RBFOX1: variants seen among roughly 807,000 people sequenced by gnomAD.
RBFOX1 encodes RNA binding fox-1 homolog 1.
Under a neutral mutation model 57.7 loss-of-function variants are expected in RBFOX1, and 8 were observed. That is an observed-to-expected ratio of 0.14 (90% CI 0.08 to 0.25). The LOEUF (loss-of-function observed/expected upper bound fraction) is 0.25. RBFOX1 is among the 10% of genes least tolerant of loss of function. RBFOX1 has a pLI of 1.00. For synonymous variants in RBFOX1, 326 were observed against 222.4 expected (o/e 1.47, Z -4.15); for missense variants, 611 against 548.5 (o/e 1.11, Z -1.14).
At chr16:5,730,944 A>T (rs879802658) in intron 3 of RBFOX1, among the ~76,000 whole-genome samples, 1 of 148,652 alleles carries the variant, frequency 6.7e-6, no homozygotes, top group Non-Finnish European at 1.5e-5. Context: ...CACCATCATC[A>T]CTATCAGTAT....
At chr16:6,676,658 TTTTG>T (rs2057748449) in intron 3 of RBFOX1, among the ~76,000 whole-genome samples, 1 of 149,726 alleles carries the variant, frequency 6.7e-6, no homozygotes, top group Non-Finnish European at 1.5e-5. Flanking sequence ...TTTTTTTTCT[TTTTG>T]TTTTTCTTTT....
intron 2 of RBFOX1, among the ~76,000 whole-genome samples, chr16:5,583,280 T>A (rs775588049): frequency 2.0e-5 from 3 of 152,212 alleles, no homozygotes; most frequent in Non-Finnish European, 2.9e-5. Flanking sequence ...ATATTTGAGT[T>A]CTTGGGGACA....
At chr16:6,328,403 C>T (rs541756006) in intron 2 of RBFOX1, among the ~76,000 whole-genome samples, 1 of 152,218 alleles carries the variant, frequency 6.6e-6, no homozygotes, top group Admixed American at 6.5e-5. Context: ...TAACAAAATG[C>T]CACCTGTTCC....
chr16:6,129,682 AG>A (rs2096615574), intron 1 of RBFOX1, among the ~76,000 whole-genome samples: 1 of 141,564 alleles, frequency 7.1e-6, no homozygotes, highest in South Asian at 2.2e-4. Context: ...TTAGTAGATC[AG>A]GTTAAATACA....
chr16:6,854,587 A>ATTTTTTTTTTTTTTTTTTT lies in RBFOX1; in HGVS notation c.-15-197463_-15-197445dup, dbSNP rs71147611. Among the ~76,000 whole-genome samples the ATTTTTTTTTTTTTTTTTTT allele has an allele frequency of 3.7e-4, 26 of 70,638 alleles. 4 individuals carry two copies. The highest frequency in any genetic ancestry group is 1.0e-3 in the East Asian group (2 of 1,974). 46.3% of individuals were successfully genotyped at this position (70,638 alleles called of 152,430 possible). ...CCTCCCTGCCAACTAGGAGAGGTGAATTTTTTTTTTTTTTTTTTTTTTTTT... is the reference window on the plus strand; with the variant it reads ...CCTCCCTGCCAACTAGGAGAGGTGAATTTTTTTTTTTTTTTTTTTTTTTTTTTTTTTTTTTTTTTTTTTT... On this transcript the variant is annotated intron_variant, in intron 3 of 15. Coordinates refer to ENST00000550418, the MANE Select transcript of RBFOX1 (RefSeq NM_018723.4).
intron 3 of RBFOX1, among the ~76,000 whole-genome samples, chr16:6,851,125 A>G (rs1603632265): frequency 6.6e-6 from 1 of 152,266 alleles, no homozygotes; most frequent in Admixed American, 6.5e-5. Flanking sequence ...GTGAGTGGAA[A>G]AAAAGCCCAT....
chr16:6,213,948 C>G (rs1345584037), intron 1 of RBFOX1, among the ~76,000 whole-genome samples: 3 of 152,196 alleles, frequency 2.0e-5, no homozygotes, highest in East Asian at 1.9e-4. Flanking sequence ...GTACAACCCA[C>G]TCTCCTAATC....
intron 1 of RBFOX1, among the ~76,000 whole-genome samples, chr16:6,115,889 A>G (rs2152604906): frequency 6.6e-6 from 1 of 152,316 alleles, no homozygotes; most frequent in South Asian, 2.1e-4. Flanking sequence ...TAGGAAAGTA[A>G]TACTATGTGC....
chr16:6,443,147 G>C (rs1414559527), intron 2 of RBFOX1, among the ~76,000 whole-genome samples: 1 of 152,090 alleles, frequency 6.6e-6, no homozygotes, highest in Non-Finnish European at 1.5e-5. Context: ...ACATAGGCCT[G>C]GGTGAGCTAT....
intron 4 of RBFOX1, among the ~76,000 whole-genome samples, chr16:7,311,196 C>T (rs910818682): frequency 6.6e-6 from 1 of 152,194 alleles, no homozygotes; most frequent in Non-Finnish European, 1.5e-5. Context: ...TGGGAAACTG[C>T]TGTGGTCCTT....
intron 2 of RBFOX1, among the ~76,000 whole-genome samples, chr16:6,433,698 A>T (rs1218503690): frequency 2.0e-5 from 3 of 152,016 alleles, no homozygotes; most frequent in Admixed American, 6.6e-5. Flanking sequence ...TCCAGGGAAG[A>T]ATCTGTTTTC....
intron 1 of RBFOX1, among the ~76,000 whole-genome samples, chr16:5,450,446 T>G (rs917703407): frequency 1.3e-5 from 2 of 152,166 alleles, no homozygotes; most frequent in Admixed American, 6.5e-5. Context: ...CCCCTTCTAA[T>G]GGTTCTCTCA....
At chr16:5,447,378 ATCTCTCTC>A (rs71142623) in intron 1 of RBFOX1, among the ~76,000 whole-genome samples, 64 of 134,458 alleles carry the variant, frequency 4.8e-4, no homozygotes, top group Middle Eastern at 7.4e-3. Context: ...CAATCAATCA[ATCTCTCTC>A]TCTCTCTCTC....
At chr16:5,804,885 T>C (rs1223425772) in intron 3 of RBFOX1, among the ~76,000 whole-genome samples, 1 of 152,166 alleles carries the variant, frequency 6.6e-6, no homozygotes, top group Non-Finnish European at 1.5e-5. Context: ...GATGGATATG[T>C]GGGGAATTGA....
intron 3 of RBFOX1, among the ~76,000 whole-genome samples, chr16:6,673,257 C>T (rs1383394802): frequency 6.6e-6 from 1 of 152,116 alleles, no homozygotes; most frequent in Non-Finnish European, 1.5e-5. Flanking sequence ...AAAGGTCCCT[C>T]ATATCCCTGT....
At chr16:7,572,253 G>A (rs982173729) in intron 5 of RBFOX1, among the ~76,000 whole-genome samples, 2 of 152,302 alleles carry the variant, frequency 1.3e-5, no homozygotes, top group Non-Finnish European at 1.5e-5. Flanking sequence ...TCCAGGACAA[G>A]TATACATTTA....
intron 2 of RBFOX1, among the ~76,000 whole-genome samples, chr16:6,461,547 A>G (rs768774707): frequency 6.6e-6 from 1 of 152,206 alleles, no homozygotes; most frequent in African/African-American, 2.4e-5. Flanking sequence ...AACTAATCCA[A>G]CCATAACACT....
chr16:5,863,542 C>T (rs1458214607), intron 3 of RBFOX1, among the ~76,000 whole-genome samples: 1 of 152,196 alleles, frequency 6.6e-6, no homozygotes, highest in Admixed American at 6.5e-5. Context: ...GTGACAAACC[C>T]TGAGGTCTGT....
At position 6,866,541 on chromosome 16, in the gene RBFOX1, A is replaced by ATTTTTT. The variant is rs56678526; in HGVS notation, c.-15-185503_-15-185498dup. Among the ~76,000 whole-genome samples, 11 of 78,876 alleles carry ATTTTTT rather than the reference A, an allele frequency of 1.4e-4. 2 individuals carry two copies. The East Asian group carries it at 1.4e-3, about 10-fold the overall frequency. The allele number at this position is 78,876 out of a possible 152,430, so 51.7% of individuals were successfully genotyped here. A position where few individuals can be genotyped will look rare whatever the true frequency, so the allele number is the denominator to read the frequency against. ...TAAGGTTAGGGCTTTCTTTCCTTCT[A>ATTTTTT]TTTTTTTTTTTTTTTTTTGAGTTGG... On this transcript the variant is annotated intron_variant, in intron 3 of 15. Coordinates refer to ENST00000550418, the MANE Select transcript of RBFOX1 (RefSeq NM_018723.4).
Sources: allele counts gnomAD v4.1 joint callset (sites outside exome capture counted in the v4.1 genomes callset), GRCh38; gene constraint gnomAD v4.1.1; transcripts MANE v1.5; gene names NCBI Gene and HGNC (gene_info 2026-07-23, HGNC 2026-07-21).